Variants in WRN observed in about 807,000 individuals in gnomAD.
WRN encodes the protein WRN RecQ like helicase.
Under a neutral mutation model 180.7 loss-of-function variants are expected in WRN, and 149 were observed. The ratio of observed to expected loss-of-function variants is 0.82; its 90% CI spans 0.72 to 0.94. The LOEUF (loss-of-function observed/expected upper bound fraction) is 0.94. Ranked by LOEUF, WRN falls within the 40% of genes least tolerant of loss-of-function variation. WRN has a pLI of 0.00. For missense variants in WRN, 1,661 were observed against 1,700.1 expected (o/e 0.98, Z 0.40); for synonymous variants, 548 against 568.9 (o/e 0.96, Z 0.52).
intron 7 of WRN, among the ~76,000 whole-genome samples, chr8:31,070,417 A>G (rs1477659677): frequency 1.5e-5 from 2 of 136,492 alleles, no homozygotes; most frequent in Admixed American, 7.9e-5. Context: ...TTGTTTCCCC[A>G]TTGACTTATT....
chr8:31,138,906 C>CT (rs1264064624), intron 24 of WRN, among the ~76,000 whole-genome samples: 2 of 152,140 alleles, frequency 1.3e-5, no homozygotes, highest in African/African-American at 2.4e-5. Context: ...TCCTAGCTTC[C>CT]TTTTTGTGAA....
At chr8:31,140,006 T>G (rs1802551725) in intron 24 of WRN, among the ~76,000 whole-genome samples, 4 of 42,330 alleles carry the variant, frequency 9.4e-5, no homozygotes, top group Admixed American at 6.4e-4. Flanking sequence ...CTTCTTTGTT[T>G]TTTTTTTTTT....
intron 18 of WRN, among the ~76,000 whole-genome samples, chr8:31,109,237 T>C (rs1801211591): frequency 6.6e-6 from 1 of 152,216 alleles, no homozygotes; most frequent in Non-Finnish European, 1.5e-5. Flanking sequence ...CTCATGATGC[T>C]GAAAATGTAT....
intron 18 of WRN, among the ~76,000 whole-genome samples, chr8:31,102,700 T>G (rs1371751788): frequency 6.6e-6 from 1 of 152,182 alleles, no homozygotes; most frequent in Non-Finnish European, 1.5e-5. Flanking sequence ...TGGAAGTTGC[T>G]CTGAGTGAGT....
At chr8:31,119,275 C>T (rs1428608124) in intron 20 of WRN, among the ~76,000 whole-genome samples, 1 of 151,718 alleles carries the variant, frequency 6.6e-6, no homozygotes, top group Non-Finnish European at 1.5e-5. Flanking sequence ...GTCTACTGTT[C>T]TTACAGTAAA....
chr8:31,065,705 C>T (rs374276090), intron 5 of WRN, among the ~76,000 whole-genome samples: 2 of 151,956 alleles, frequency 1.3e-5, no homozygotes, highest in African/African-American at 4.8e-5. Context: ...TGAACATATG[C>T]GTGCATGTGT....
At chr8:31,130,618 GT>G (rs35645656) in intron 23 of WRN, among the ~76,000 whole-genome samples, 46,537 of 142,718 alleles carry the variant, frequency 0.33, 6,824 homozygotes, top group South Asian at 0.43. Flanking sequence ...TAGGATTTGG[GT>G]TTTTTTTTTT....
chr8:31,149,959 T>C (rs774953714), intron 30 of WRN, among the ~76,000 whole-genome samples: 4 of 152,198 alleles, frequency 2.6e-5, no homozygotes, highest in Non-Finnish European at 5.9e-5. Context: ...AGACTTTCTT[T>C]TGAGATTTTC....
chr8:31,083,666 A>T, intron 9 of WRN, 33 bp from the exon 10 acceptor site: 1 of 1,562,430 alleles, frequency 6.4e-7, no homozygotes, highest in African/African-American at 1.4e-5. Context: ...AGTCAATTAT[A>T]TTGGAAATTA....
intron 27 of WRN, 46 bp from the exon 28 acceptor site, chr8:31,143,504 G>A: frequency 1.5e-6 from 2 of 1,360,740 alleles, no homozygotes; most frequent in Non-Finnish European, 2.1e-6. Context: ...ACATTTAAAA[G>A]TTTTTTGAAA....
chr8:31,160,511 G>A (rs902065604), intron 33 of WRN, among the ~76,000 whole-genome samples: 5 of 152,178 alleles, frequency 3.3e-5, no homozygotes, highest in Admixed American at 6.5e-5. Context: ...TATGGTTGTC[G>A]AAACCTTTGT....
At chr8:31,128,870 AC>A (rs1802036909) in intron 23 of WRN, among the ~76,000 whole-genome samples, 1 of 152,164 alleles carries the variant, frequency 6.6e-6, no homozygotes, top group Non-Finnish European at 1.5e-5. Context: ...AAAAAAACCA[AC>A]CAACTGAACA....
intron 10 of WRN, 152 bp downstream of exon 10, chr8:31,083,931 C>T: frequency 1.2e-6 from 1 of 861,562 alleles, no homozygotes; most frequent in Admixed American, 2.4e-5. Flanking sequence ...ATTCATGTTT[C>T]TTTCATGTAG....
intron 28 of WRN, among the ~76,000 whole-genome samples, chr8:31,144,019 T>G (rs1284355380): frequency 6.6e-6 from 1 of 152,232 alleles, no homozygotes; most frequent in Non-Finnish European, 1.5e-5. Flanking sequence ...TTTGTCTACC[T>G]CTAGCATCAA....
At chr8:31,129,731 G>T (rs941505416) in intron 23 of WRN, among the ~76,000 whole-genome samples, 3 of 151,964 alleles carry the variant, frequency 2.0e-5, no homozygotes, top group Non-Finnish European at 4.4e-5. Context: ...AAGAGGCTGG[G>T]TGCGTTGGCT....
chr8:31,060,820 A>T (rs1812461034), intron 3 of WRN, among the ~76,000 whole-genome samples: 1 of 152,126 alleles, frequency 6.6e-6, no homozygotes, highest in Non-Finnish European at 1.5e-5. Context: ...TGTAGTTTTG[A>T]TGACTTATAT....
chr8:31,148,337 A>G (rs888630354), intron 30 of WRN, among the ~76,000 whole-genome samples: 5 of 152,006 alleles, frequency 3.3e-5, no homozygotes, highest in African/African-American at 1.2e-4. Context: ...TTAACCCTTC[A>G]TTCTCTCTCT....
chr8:31,060,536 C>G (rs1331828875), intron 3 of WRN, among the ~76,000 whole-genome samples: 2 of 152,176 alleles, frequency 1.3e-5, no homozygotes, highest in Non-Finnish European at 1.5e-5. Context: ...AAAACCCTGT[C>G]TCAAACAGAC....
chr8:31,152,229 G>A (rs1803163631), intron 31 of WRN, among the ~76,000 whole-genome samples: 1 of 151,990 alleles, frequency 6.6e-6, no homozygotes, highest in African/African-American at 2.4e-5. Flanking sequence ...TACTCGGGAG[G>A]CTGAGGCAGG....
Sources: allele counts gnomAD v4.1 joint callset (sites outside exome capture counted in the v4.1 genomes callset), GRCh38; gene constraint gnomAD v4.1.1; transcripts MANE v1.5; gene names NCBI Gene and HGNC (gene_info 2026-07-23, HGNC 2026-07-21).